Variants in C7 observed in about 807,000 individuals in gnomAD.
The protein encoded by C7 is complement C7, also known as complement component C7.
C7 carries 83 observed loss-of-function variants against 104.8 expected under a neutral mutation model. That is an observed-to-expected ratio of 0.79 (90% CI 0.66 to 0.95). The LOEUF (loss-of-function observed/expected upper bound fraction) is 0.95, where lower values mean the gene tolerates loss of function less well. Ranked by LOEUF, C7 falls within the 40% of genes least tolerant of loss-of-function variation. The probability of loss-of-function intolerance (pLI) is 0.00; values close to 1 mark genes in which losing one functional copy is unlikely to be tolerated. For synonymous variants in C7, 415 were observed against 360.6 expected, an observed-to-expected ratio of 1.15 and a Z score of -1.71; for missense variants, 1,070 against 1,011.2, an observed-to-expected ratio of 1.06 and a Z score of -0.79.
intron 1 of C7, among the ~76,000 whole-genome samples, chr5:40,927,151 G>A (rs1391338363): frequency 6.6e-6 from 1 of 152,138 alleles, no homozygotes; most frequent in East Asian, 1.9e-4. Flanking sequence ...AATGGGGAAA[G>A]GATAGTCTCT....
intron 13 of C7, among the ~76,000 whole-genome samples, chr5:40,962,772 C>T (rs990182461): frequency 7.9e-5 from 12 of 152,144 alleles, no homozygotes; most frequent in African/African-American, 2.7e-4. Flanking sequence ...GAGGCTTTGG[C>T]CTGAAGCCCC....
chr5:40,980,156 C>T lies in C7; in HGVS notation c.2350+247C>T, dbSNP rs142824408. Reference sequence around the variant, plus strand: ...AATGTTCTCCCAAACAGGGGTGATTCCATGCCACCTTCATGATTTTTACTC... The same window carrying T: ...AATGTTCTCCCAAACAGGGGTGATTTCATGCCACCTTCATGATTTTTACTC... On this transcript the variant is annotated intron_variant, in intron 17 of 17. Transcript: ENST00000313164. 2.6e-4 allele frequency: 91 copies of T among 354,886 alleles called. No individual in the cohort carries two copies. In the East Asian group the frequency reaches 3.7e-3, roughly 15 times the overall value. The allele number at this position is 354,886 out of a possible 1,614,324, so 22.0% of individuals were successfully genotyped here.
intron 8 of C7, among the ~76,000 whole-genome samples, chr5:40,948,082 T>C (rs566381473): frequency 3.3e-5 from 5 of 152,300 alleles, no homozygotes; most frequent in African/African-American, 1.2e-4. Flanking sequence ...TTATTGGCTA[T>C]CTCTAGAGGG....
chr5:40,968,557 TTATATATATTTTATATATATA>T lies in C7; in HGVS notation c.1882+3694_1882+3714del, dbSNP rs1198217706. 1.9e-3 allele frequency among the ~76,000 whole-genome samples: 215 copies of T among 110,924 alleles called. 5 individuals are homozygous for T. Among genetic ancestry groups the T allele is most frequent in the East Asian group, 7.5e-3 (28 of 3,736 alleles). The allele number at this position is 110,924 out of a possible 152,430, so 72.8% of individuals were successfully genotyped here. ...AATTTTATTTTTCAACTTAAAACAA[TTATATATATTTTATATATATA>T]TATATATATATATATATATATATTT... On this transcript the variant is annotated intron_variant, in intron 14 of 17. Transcript: ENST00000313164.
chr5:40,947,542 A>G, intron 7 of C7, 60 bp from the exon 8 acceptor site: 1 of 1,579,224 alleles, frequency 6.3e-7, no homozygotes, highest in South Asian at 1.1e-5. Context: ...ACAGAGAACT[A>G]TTTCCATTGC....
At chr5:40,948,547 A>G (rs1352395064) in intron 8 of C7, among the ~76,000 whole-genome samples, 3 of 152,150 alleles carry the variant, frequency 2.0e-5, no homozygotes, top group Admixed American at 6.6e-5. Flanking sequence ...CACTGCTAAA[A>G]TTGCCTGATT....
At chr5:40,957,763 T>G (rs892906135) in intron 10 of C7, among the ~76,000 whole-genome samples, 1 of 53,824 alleles carries the variant, frequency 1.9e-5, no homozygotes, top group African/African-American at 6.5e-5. Context: ...GGCTGGTTTT[T>G]TTTTGTTTTT....
intron 9 of C7, among the ~76,000 whole-genome samples, chr5:40,952,265 T>G (rs905926270): frequency 3.9e-5 from 6 of 152,348 alleles, no homozygotes; most frequent in Admixed American, 3.9e-4. Context: ...ACAGGGACAC[T>G]GAGGCCCAGA....
chr5:40,937,813 T>A, intron 6 of C7, 123 bp downstream of exon 6: 1 of 819,794 alleles, frequency 1.2e-6, no homozygotes, highest in Non-Finnish European at 1.8e-6. Context: ...TTTTTATAAA[T>A]GTTTTATGTT....
At chr5:40,932,898 G>A (rs1018461530) in intron 3 of C7, among the ~76,000 whole-genome samples, 3 of 152,100 alleles carry the variant, frequency 2.0e-5, no homozygotes, top group African/African-American at 4.8e-5. Context: ...AGGGGTTGTA[G>A]GGTCAGACTT....
intron 16 of C7, among the ~76,000 whole-genome samples, chr5:40,978,798 G>C (rs575500798): frequency 6.7e-6 from 1 of 150,340 alleles, no homozygotes; most frequent in African/African-American, 2.4e-5. Flanking sequence ...TTCTGATAGT[G>C]ACATTTCTAA....
In C7 at chr5:40,982,435, CG is replaced by C. The variant is rs1211602708; in HGVS notation, c.*863del. The stretch of plus-strand genomic sequence containing the variant: ...CTGGGATTACAGACATGAACCACCA[CG>C]CCTGGCTGGAATACTTACTCTTGTC... On this transcript the variant is annotated 3_prime_UTR_variant, in exon 18 of 18. Coordinates refer to ENST00000313164, the MANE Select transcript of C7 (RefSeq NM_000587.4). 6.6e-6 allele frequency: 1 copy of C among 152,286 alleles called. No individual in the cohort carries two copies. Among genetic ancestry groups the C allele is most frequent in the Non-Finnish European group, 1.5e-5 (1 of 68,064 alleles). The allele number at this position is 152,286 out of a possible 1,614,324, so 9.4% of individuals were successfully genotyped here.
intron 14 of C7, among the ~76,000 whole-genome samples, chr5:40,967,179 T>C (rs4634395): frequency 0.78 from 118,146 of 151,588 alleles, 46,103 homozygotes; most frequent in South Asian, 0.93. Flanking sequence ...GATTCTCCTA[T>C]CTCAGCCTCC....
intron 1 of C7, among the ~76,000 whole-genome samples, chr5:40,923,961 C>T (rs1739497747): frequency 6.6e-6 from 1 of 152,078 alleles, no homozygotes; most frequent in Admixed American, 6.6e-5. Flanking sequence ...CATTCCACCC[C>T]TGGCCCCCTG....
At position 40,973,698 on chromosome 5, in the gene C7, T is replaced by G. The variant is rs980886652; in HGVS notation, c.2074+1104T>G. ...CACTGAAGTATAAACATGAGTTTAC[T>G]TGGAATATTTAAAGTCATGGACCAG... On this transcript the variant is annotated intron_variant, in intron 15 of 17. Transcript: ENST00000313164. 2.0e-5 allele frequency among the ~76,000 whole-genome samples: 3 copies of G among 152,356 alleles called. No homozygotes were observed. The East Asian group carries it at 5.8e-4, about 29-fold the overall frequency.
intron 9 of C7, among the ~76,000 whole-genome samples, chr5:40,952,933 A>G (rs1740205321): frequency 6.6e-6 from 1 of 152,040 alleles, no homozygotes; most frequent in South Asian, 2.1e-4. Flanking sequence ...GTGATTCTCA[A>G]ACTTTAATAT....
At chr5:40,911,842 G>A (rs1213739709) in intron 1 of C7, among the ~76,000 whole-genome samples, 3 of 151,046 alleles carry the variant, frequency 2.0e-5, no homozygotes, top group East Asian at 1.9e-4. Flanking sequence ...GGGTTCAAGC[G>A]ATTCTTCTGC....
chr5:40,932,082 A>G (rs1739696681), intron 3 of C7, among the ~76,000 whole-genome samples: 1 of 152,136 alleles, frequency 6.6e-6, no homozygotes, highest in Admixed American at 6.5e-5. Context: ...GAAGAAACAA[A>G]TTATATAACA....
chr5:40,979,062 T>C (rs1740881430), intron 16 of C7, among the ~76,000 whole-genome samples: 1 of 151,840 alleles, frequency 6.6e-6, no homozygotes. Flanking sequence ...ATATGCTTAG[T>C]AGAGATGGGG....
Sources: gnomAD v4.1 joint callset for allele counts (sites outside exome capture counted in the v4.1 genomes callset) on GRCh38, gnomAD v4.1.1 for gene constraint, MANE v1.5 for transcripts, NCBI Gene and HGNC (gene_info 2026-07-23, HGNC 2026-07-21) for gene names.